CELF2: variants seen among roughly 807,000 people sequenced by gnomAD.
The protein encoded by CELF2 is CUG triplet repeat RNA-binding protein 2.
Under a neutral mutation model 62.6 loss-of-function variants are expected in CELF2, and 8 were observed. The observed-to-expected ratio is 0.13, with a 90% confidence interval of 0.07 to 0.23. The LOEUF (loss-of-function observed/expected upper bound fraction) is 0.23, where lower values mean the gene tolerates loss of function less well. Ranked by LOEUF, CELF2 falls within the 10% of genes least tolerant of loss-of-function variation. The pLI, the probability that CELF2 is intolerant of heterozygous loss-of-function variation, is 1.00. For synonymous variants in CELF2, 258 were observed against 250.0 expected, an observed-to-expected ratio of 1.03 and a Z score of -0.30; for missense variants, 333 against 671.0, an observed-to-expected ratio of 0.50 and a Z score of 5.56.
chr10:10,885,995 A>G (rs745565263), intron 1 of CELF2, among the ~76,000 whole-genome samples: 12 of 152,248 alleles, frequency 7.9e-5, no homozygotes, highest in Non-Finnish European at 1.3e-4. Flanking sequence ...TTTTGGAAGA[A>G]CATGAGTCCA....
the CELF2 span, among the ~76,000 whole-genome samples, chr10:10,761,678 G>A: frequency 6.6e-6 from 1 of 152,174 alleles, no homozygotes; most frequent in African/African-American, 2.4e-5. Context: ...CAATTGGGCT[G>A]GGACATTGGT....
chr10:11,293,990 C>A (rs553284216), intron 9 of CELF2, among the ~76,000 whole-genome samples: 4 of 152,156 alleles, frequency 2.6e-5, no homozygotes, highest in Non-Finnish European at 5.9e-5. Flanking sequence ...CCTCAAGAAC[C>A]AAACCTGCAA....
intron 1 of CELF2, among the ~76,000 whole-genome samples, chr10:10,855,417 C>T (rs957421531): frequency 1.3e-5 from 2 of 152,204 alleles, no homozygotes; most frequent in Non-Finnish European, 2.9e-5. Context: ...AATCCATTGG[C>T]ACTGGTGTGA....
At chr10:10,538,995 A>G in the CELF2 span, among the ~76,000 whole-genome samples, 1 of 152,264 alleles carries the variant, frequency 6.6e-6, no homozygotes, top group Non-Finnish European at 1.5e-5. Flanking sequence ...AAAGTAATAC[A>G]GCTCAAAACT....
rs376751988 is a variant in CELF2 at position 10,871,269 on chromosome 10, C to T, written c.54-48695C>T. ...CATTCCTCATTAGGAAAAGAAACTT[C>T]ATTCCACAACAGAAAGGGAAATGAT... On this transcript the variant is annotated intron_variant, in intron 1 of 13. Transcript: ENST00000636488. Among the ~76,000 whole-genome samples the T allele has an allele frequency of 2.1e-4, 32 of 152,334 alleles. No homozygotes were observed. In the East Asian group the frequency reaches 5.6e-3, roughly 27 times the overall value.
intron 2 of CELF2, among the ~76,000 whole-genome samples, chr10:10,978,633 T>G (rs1026570351): frequency 1.3e-5 from 2 of 152,124 alleles, no homozygotes; most frequent in Admixed American, 1.3e-4. Flanking sequence ...AAAAACAACT[T>G]GAATTATTAT....
chr10:11,231,154 A>C (rs967987411), intron 3 of CELF2, among the ~76,000 whole-genome samples: 2 of 152,198 alleles, frequency 1.3e-5, no homozygotes, highest in Admixed American at 6.5e-5. Flanking sequence ...CCCTTGAGTG[A>C]GTTCTGAGTT....
intron 3 of CELF2, among the ~76,000 whole-genome samples, chr10:11,222,624 G>T (rs76071886): frequency 0.066 from 10,108 of 152,254 alleles, 499 homozygotes; most frequent in African/African-American, 0.14. Flanking sequence ...AGGGAATACT[G>T]TAGTAGCAGC....
the CELF2 span, among the ~76,000 whole-genome samples, chr10:10,689,640 G>A: frequency 2.0e-5 from 3 of 152,086 alleles, no homozygotes; most frequent in South Asian, 2.1e-4. Flanking sequence ...TTACTCCTAA[G>A]CTAACACCAG....
chr10:10,723,345 C>A, the CELF2 span, among the ~76,000 whole-genome samples: 8 of 152,158 alleles, frequency 5.3e-5, no homozygotes, highest in African/African-American at 1.9e-4. Flanking sequence ...TGTTTCTAAG[C>A]AATGTCTCCA....
chr10:11,251,172 C>T (rs532099580), intron 4 of CELF2, among the ~76,000 whole-genome samples: 3 of 151,044 alleles, frequency 2.0e-5, no homozygotes. Context: ...AAGGGTTTGT[C>T]TCACTTCTGA....
At chr10:11,143,950 A>T (rs543768655) in intron 1 of CELF2, among the ~76,000 whole-genome samples, 4 of 152,312 alleles carry the variant, frequency 2.6e-5, no homozygotes, top group African/African-American at 9.6e-5. Context: ...TAAATATTGT[A>T]TATTCCCAGC....
At chr10:10,540,565 G>T in the CELF2 span, among the ~76,000 whole-genome samples, 14,368 of 152,152 alleles carry the variant, frequency 0.094, 732 homozygotes, top group Middle Eastern at 0.2. Context: ...TAAACAGGAG[G>T]TTGCAGAAAA....
the CELF2 span, among the ~76,000 whole-genome samples, chr10:10,735,568 A>G: frequency 6.6e-6 from 1 of 152,244 alleles, no homozygotes; most frequent in Non-Finnish European, 1.5e-5. Context: ...ATTTGGGGGA[A>G]AACTAGAGTT....
chr10:10,836,024 T>C (rs2058259933), intron 1 of CELF2, among the ~76,000 whole-genome samples: 1 of 152,146 alleles, frequency 6.6e-6, no homozygotes, highest in South Asian at 2.1e-4. Flanking sequence ...CATGTCAGCG[T>C]TGAGATAGTT....
chr10:10,550,380 A>G, the CELF2 span, among the ~76,000 whole-genome samples: 3 of 152,166 alleles, frequency 2.0e-5, no homozygotes, highest in African/African-American at 4.8e-5. Context: ...AAATCTGTGT[A>G]TAAGTGGACC....
At chr10:10,932,670 A>ATGTATATG in intron 2 of CELF2, among the ~76,000 whole-genome samples, 1 of 120,652 alleles carries the variant, frequency 8.3e-6, no homozygotes, top group South Asian at 3.2e-4. Flanking sequence ...GTAAATATGT[A>ATGTATATG]TGTGTATGTG....
At chr10:10,486,362 T>C in the CELF2 span, among the ~76,000 whole-genome samples, 2 of 152,230 alleles carry the variant, frequency 1.3e-5, no homozygotes, top group Non-Finnish European at 2.9e-5. Context: ...CATGATTTAA[T>C]TTGTGATCTA....
chr10:10,848,576 A>T (rs1296903638), intron 1 of CELF2, among the ~76,000 whole-genome samples: 2 of 152,182 alleles, frequency 1.3e-5, no homozygotes, highest in Non-Finnish European at 2.9e-5. Context: ...CTCGTGGGGC[A>T]AGAGTTCTGT....
Sources: allele counts gnomAD v4.1 joint callset (sites outside exome capture counted in the v4.1 genomes callset), GRCh38; gene constraint gnomAD v4.1.1; transcripts MANE v1.5; gene names NCBI Gene and HGNC (gene_info 2026-07-23, HGNC 2026-07-21).